KIF16B: variants seen among roughly 807,000 people sequenced by gnomAD.
The protein encoded by KIF16B is kinesin-like protein KIF16B.
KIF16B carries 98 observed loss-of-function variants against 156.3 expected under a neutral mutation model. That is an observed-to-expected ratio of 0.63 (90% CI 0.53 to 0.74). The LOEUF is 0.74. KIF16B is among the 30% of genes least tolerant of loss of function. The probability of loss-of-function intolerance (pLI) is 0.00; values close to 1 mark genes in which losing one functional copy is unlikely to be tolerated. For synonymous variants in KIF16B, 564 were observed against 583.7 expected (o/e 0.97, Z 0.49); for missense variants, 1,421 against 1,606.5 (o/e 0.88, Z 1.97).
At chr20:16,404,728 A>G in intron 17 of KIF16B, 85 bp downstream of exon 17, 1 of 1,085,376 alleles carries the variant, frequency 9.2e-7, no homozygotes. Flanking sequence ...CAGAAGTTTT[A>G]TTTTTACCTT....
intron 24 of KIF16B, among the ~76,000 whole-genome samples, chr20:16,314,288 AGT>A (rs1048521931): frequency 6.6e-6 from 1 of 152,204 alleles, no homozygotes; most frequent in African/African-American, 2.4e-5. Context: ...CTTTTCCTCA[AGT>A]AAGAATAATT....
At chr20:16,493,321 G>A (rs909381295) in intron 12 of KIF16B, among the ~76,000 whole-genome samples, 11 of 152,152 alleles carry the variant, frequency 7.2e-5, no homozygotes, top group African/African-American at 2.7e-4. Context: ...ATATAATGCT[G>A]AGCCTGCATT....
At chr20:16,322,674 C>A (rs2063789141) in intron 24 of KIF16B, among the ~76,000 whole-genome samples, 1 of 151,842 alleles carries the variant, frequency 6.6e-6, no homozygotes, top group Admixed American at 6.6e-5. Flanking sequence ...CTGACACAGC[C>A]CAATTTTCTT....
intron 15 of KIF16B, among the ~76,000 whole-genome samples, chr20:16,411,319 T>C (rs981387344): frequency 2.6e-5 from 4 of 151,844 alleles, no homozygotes; most frequent in African/African-American, 9.7e-5. Context: ...TTTTCATTTA[T>C]GTGTATTTAT....
intron 21 of KIF16B, among the ~76,000 whole-genome samples, chr20:16,371,401 A>G (rs1037007070): frequency 6.6e-6 from 1 of 152,128 alleles, no homozygotes; most frequent in Non-Finnish European, 1.5e-5. Context: ...AGCCTGGCTA[A>G]CATGGTGGTA....
intron 12 of KIF16B, among the ~76,000 whole-genome samples, chr20:16,432,769 T>A (rs986885796): frequency 2.0e-5 from 3 of 151,846 alleles, no homozygotes; most frequent in Admixed American, 6.6e-5. Context: ...CTTAAAAAAA[T>A]AAAAATAAAA....
At chr20:16,445,844 G>C (rs1425379601) in intron 12 of KIF16B, among the ~76,000 whole-genome samples, 1 of 152,074 alleles carries the variant, frequency 6.6e-6, no homozygotes, top group Non-Finnish European at 1.5e-5. Flanking sequence ...TATAAACATT[G>C]CATCTAATAA....
intron 1 of KIF16B, among the ~76,000 whole-genome samples, 156 bp from the exon 2 acceptor site, chr20:16,528,596 T>C (rs2069635897): frequency 1.3e-5 from 2 of 152,134 alleles, no homozygotes. Flanking sequence ...CCCAAATCCT[T>C]ACTAATATAA....
chr20:16,409,034 CAG>C (rs1415312400), intron 15 of KIF16B, among the ~76,000 whole-genome samples: 2 of 151,928 alleles, frequency 1.3e-5, no homozygotes, highest in South Asian at 4.1e-4. Flanking sequence ...TAAAAAATGT[CAG>C]AGAGAGAGAT....
chr20:16,486,786 G>A (rs886872370), intron 12 of KIF16B, among the ~76,000 whole-genome samples: 1 of 152,184 alleles, frequency 6.6e-6, no homozygotes, highest in African/African-American at 2.4e-5. Context: ...GTGATTATCT[G>A]AGGTCAGAAG....
intron 12 of KIF16B, among the ~76,000 whole-genome samples, chr20:16,490,042 T>C (rs144939929): frequency 3.9e-5 from 6 of 152,272 alleles, no homozygotes; most frequent in Non-Finnish European, 8.8e-5. Flanking sequence ...ACACTCCCTG[T>C]CACTCTGCCC....
chr20:16,373,097 T>C (rs557235643), intron 20 of KIF16B, among the ~76,000 whole-genome samples: 1 of 152,318 alleles, frequency 6.6e-6, no homozygotes, highest in South Asian at 2.1e-4. Context: ...AATCCTGCAA[T>C]CATTTCTATA....
chr20:16,495,292 C>T (rs1039246180), intron 11 of KIF16B, among the ~76,000 whole-genome samples: 12 of 152,154 alleles, frequency 7.9e-5, no homozygotes, highest in African/African-American at 2.4e-4. Context: ...CCTATTTAAT[C>T]AGGCCAAAAT....
intron 12 of KIF16B, among the ~76,000 whole-genome samples, chr20:16,435,653 C>T (rs1345378011): frequency 6.6e-6 from 1 of 152,180 alleles, no homozygotes; most frequent in Admixed American, 6.5e-5. Flanking sequence ...TTCAAGAACA[C>T]CAATTGTCCT....
At chr20:16,350,024 C>A (rs1425011876) in intron 23 of KIF16B, among the ~76,000 whole-genome samples, 2 of 152,248 alleles carry the variant, frequency 1.3e-5, no homozygotes, top group African/African-American at 4.8e-5. Context: ...CGTTATCATT[C>A]ATTACTCATG....
At chr20:16,392,185 A>G (rs1426042040) in intron 17 of KIF16B, among the ~76,000 whole-genome samples, 1 of 152,190 alleles carries the variant, frequency 6.6e-6, no homozygotes, top group Non-Finnish European at 1.5e-5. Flanking sequence ...CACAGAGAAG[A>G]GCCTACCAGA....
chr20:16,312,074 A>G (rs1185000425), intron 25 of KIF16B, among the ~76,000 whole-genome samples: 3 of 152,200 alleles, frequency 2.0e-5, no homozygotes, highest in African/African-American at 7.2e-5. Context: ...TCTCACTCAC[A>G]TCCTGCTTCC....
chr20:16,323,056 G>C lies in KIF16B; in HGVS notation c.3712-10638C>G, dbSNP rs112501830. Among the ~76,000 whole-genome samples, 682 of 152,072 alleles carry C rather than the reference G, an allele frequency of 4.5e-3. 10 individuals carry two copies. The highest frequency in any genetic ancestry group is 0.016 in the African/African-American group (646 of 41,516). On this transcript the variant is annotated intron_variant, in intron 24 of 25. Coordinates refer to ENST00000354981, the MANE Select transcript of KIF16B (RefSeq NM_024704.5). Reference sequence around the variant, plus strand: ...AAAACTGGGTTATAAATCACTGAAAGGAAATTGAGAACTAATAAAGTTGTG... The same window carrying C: ...AAAACTGGGTTATAAATCACTGAAACGAAATTGAGAACTAATAAAGTTGTG...
chr20:16,432,897 A>G (rs1317605540), intron 12 of KIF16B, among the ~76,000 whole-genome samples: 3 of 152,212 alleles, frequency 2.0e-5, no homozygotes, highest in East Asian at 1.9e-4. Flanking sequence ...TTGTTCTTCA[A>G]TTACCACTCT....
Sources: allele counts gnomAD v4.1 joint callset (sites outside exome capture counted in the v4.1 genomes callset), GRCh38; gene constraint gnomAD v4.1.1; transcripts MANE v1.5; gene names NCBI Gene and HGNC (gene_info 2026-07-23, HGNC 2026-07-21).